The following PLEKHG6 variants were observed in gnomAD, a reference collection of about 807,000 sequenced individuals.
PLEKHG6 encodes the protein pleckstrin homology and RhoGEF domain containing G6, also known as pleckstrin homology domain-containing family G member 6.
A neutral mutation model predicts 97.5 loss-of-function variants in PLEKHG6; 91 were observed. The observed-to-expected ratio is 0.93, with a 90% confidence interval of 0.79 to 1.11. PLEKHG6 has a LOEUF of 1.11. Ranked by LOEUF, PLEKHG6 falls within the 50% of genes most tolerant of loss-of-function variation. The pLI is 0.00. For missense variants in PLEKHG6, 1,044 were observed against 1,031.0 expected, an observed-to-expected ratio of 1.01 and a Z score of -0.17; for synonymous variants, 466 against 425.5, an observed-to-expected ratio of 1.10 and a Z score of -1.17.
In PLEKHG6 at chr12:6,312,372, C is replaced by A; in HGVS notation, c.138+8C>A. 6.4e-7 allele frequency: 1 copy of A among 1,574,234 alleles called. No homozygotes were observed. The highest frequency in any genetic ancestry group is 1.4e-5 in the African/African-American group (1 of 72,002). ...CGAGGATACCCTGTGCTGGTGAGTC[C>A]AGGCTGTGCCCCAAAAGTGACCTGG... On this transcript the variant is annotated splice_region_variant and intron_variant, in intron 2 of 15. Transcript: ENST00000684764.
Position 6,315,977 on chromosome 12 carries a change from AGGGT to A in PLEKHG6, c.606+62_606+65del. 1.4e-6 allele frequency: 2 copies of A among 1,448,868 alleles called. No individual in the cohort carries two copies. Among genetic ancestry groups the A allele is most frequent in the Non-Finnish European group, 9.4e-7 (1 of 1,061,264 alleles). 89.8% of individuals were successfully genotyped at this position (1,448,868 alleles called of 1,614,324 possible). On this transcript the variant is annotated intron_variant, in intron 6 of 15. Transcript: ENST00000684764. The surrounding 1 kb of genome is among the most constrained non-coding windows in gnomAD (Gnocchi z 4.5). ...AGCCCGACCTCTGAGCCTGGGGATG[AGGGT>A]GGGCCCTCCAGCCATCCCTGTCTGA...
chr12:6,318,487 C>T lies in PLEKHG6; in HGVS notation c.1275+67C>T, dbSNP rs920596432. 37 of 1,526,252 alleles carry T rather than the reference C, an allele frequency of 2.4e-5. No individual in the cohort carries two copies. In the Admixed American group the frequency reaches 2.7e-4, roughly 11 times the overall value. 94.5% of individuals were successfully genotyped at this position (1,526,252 alleles called of 1,614,324 possible). Reference sequence around the variant, plus strand: ...GGGAGAAGGTAAGAGGCAGAAACGCCGGAAGTGGGAGAAGAGGGGTTTGGG... The same window carrying T: ...GGGAGAAGGTAAGAGGCAGAAACGCTGGAAGTGGGAGAAGAGGGGTTTGGG... On this transcript the variant is annotated intron_variant, in intron 11 of 15. Transcript: ENST00000684764.
rs1425276535 is a variant in PLEKHG6, at chr12:6,318,412, G to A, written c.1267G>A (p.Glu423Lys). ...EGPVRVKEGR[E>K]GKLDVYLFLF... ...GCCTGTGCGAGTGAAGGAGGGACGAGAAGGGAAGGTGAGGGTGCTGCGGAC... is the reference window on the plus strand; with the variant it reads ...GCCTGTGCGAGTGAAGGAGGGACGAAAAGGGAAGGTGAGGGTGCTGCGGAC... Residue 423 changes from glutamate (E) to lysine (K), a missense_variant, in exon 11 of 16, where the codon GAA becomes AAA. Coordinates refer to ENST00000684764, the MANE Select transcript of PLEKHG6 (RefSeq NM_001384598.1). The A allele has an allele frequency of 2.5e-6, 4 of 1,608,750 alleles. No homozygotes were observed. Among genetic ancestry groups the A allele is most frequent in the Non-Finnish European group, 3.4e-6 (4 of 1,177,736 alleles).
intron 2 of PLEKHG6, chr12:6,313,192 T>G (rs1390267011): frequency 1.3e-5 from 20 of 1,549,548 alleles, no homozygotes; most frequent in Admixed American, 9.8e-5. Flanking sequence ...CACATGTGAG[T>G]GCCCTCGTCC....
chr12:6,314,229 G>A (rs542084203), intron 3 of PLEKHG6, among the ~76,000 whole-genome samples: 63 of 152,282 alleles, frequency 4.1e-4, no homozygotes, highest in Non-Finnish European at 7.4e-4. Flanking sequence ...TGGGCCGGGC[G>A]TGGTGGCTCA....
intron 13 of PLEKHG6, among the ~76,000 whole-genome samples, chr12:6,320,919 G>A (rs1370405456): frequency 6.6e-6 from 1 of 152,208 alleles, no homozygotes; most frequent in African/African-American, 2.4e-5. Flanking sequence ...GTGTGAGTGC[G>A]TGGTAAGAGG....
intron 14 of PLEKHG6, 94 bp from the exon 15 acceptor site, chr12:6,327,160 G>T: frequency 2.7e-6 from 2 of 744,984 alleles, no homozygotes; most frequent in Non-Finnish European, 2.3e-6. Context: ...AAATAAGTTT[G>T]GAGGAGGGGC....
chr12:6,322,993 A>T (rs1947750593), intron 13 of PLEKHG6, among the ~76,000 whole-genome samples: 1 of 152,212 alleles, frequency 6.6e-6, no homozygotes. Context: ...CCAACTCCCC[A>T]GGATAGCCAG....
chr12:6,312,967 A>T, intron 2 of PLEKHG6: 1 of 1,429,998 alleles, frequency 7.0e-7, no homozygotes. Flanking sequence ...TCAATGCACG[A>T]TAATTTTGCC....
intron 13 of PLEKHG6, among the ~76,000 whole-genome samples, chr12:6,323,871 T>C (rs1947779735): frequency 6.6e-6 from 1 of 152,208 alleles, no homozygotes; most frequent in Non-Finnish European, 1.5e-5. Context: ...GGCCTGCTGC[T>C]GACTGGGGAA....
Position 6,317,847 on chromosome 12 carries a change from C to T in PLEKHG6, c.1018-10C>T. On this transcript the variant is annotated splice_polypyrimidine_tract_variant and intron_variant, in intron 9 of 15. Coordinates refer to ENST00000684764, the MANE Select transcript of PLEKHG6 (RefSeq NM_001384598.1). ...GCCGTCCCTCCTCCCACACCCCCAA[C>T]CCCACCTAGATTGAAGCCGTGGAGT... 4.5e-6 allele frequency: 7 copies of T among 1,550,010 alleles called. No individual in the cohort carries two copies. The highest frequency in any genetic ancestry group is 6.1e-6 in the Non-Finnish European group (7 of 1,145,560).
At chr12:6,317,156 A>T (rs1326473543) in intron 7 of PLEKHG6, 147 bp from the exon 8 acceptor site, 5 of 616,016 alleles carry the variant, frequency 8.1e-6, no homozygotes, top group Non-Finnish European at 1.4e-5. Context: ...CATTCCTGGG[A>T]GGATCCTGGG....
intron 1 of PLEKHG6, chr12:6,311,181 G>A (rs1279202553): frequency 6.6e-6 from 1 of 152,300 alleles, no homozygotes; most frequent in African/African-American, 2.4e-5. Context: ...CGCCCCTTAG[G>A]AGGCCTCTCC....
intron 2 of PLEKHG6, 21 bp from the exon 3 acceptor site, chr12:6,313,608 C>A: frequency 6.2e-7 from 1 of 1,613,402 alleles, no homozygotes; most frequent in Non-Finnish European, 8.5e-7. Context: ...ACCCCCAGAA[C>A]TTCCCCTGCT....
rs71584810 is a variant in PLEKHG6 at position 6,316,359 on chromosome 12, G to A, written c.711G>A (p.Ser237=). The A allele has an allele frequency of 5.9e-3, 9,172 of 1,567,506 alleles. 44 individuals carry two copies. Among genetic ancestry groups the A allele is most frequent in the Non-Finnish European group, 7.4e-3 (8,552 of 1,155,598 alleles). ...CCACCCTGGAGGAGACTCGGGCCTC[G>A]GGCCAGCCTCTGGACCCCATTGGTC... is the stretch of plus-strand genomic sequence containing the variant. ...LGPTLEETRA[S]GQPLDPIGLQ... Residue 237 remains serine (S), a synonymous_variant, in exon 7 of 16, where the codon TCG becomes TCA. Transcript: ENST00000684764. This position sits in a 1 kb window ranked among gnomAD's most constrained non-coding sequence, Gnocchi z 4.1.
In PLEKHG6 at chr12:6,318,637, T is replaced by C. The variant is rs555294982; in HGVS notation, c.1276-108T>C. The stretch of plus-strand genomic sequence containing the variant: ...CCTGGCCACTCCCGCATTTGGGCTC[T>C]GCGTGTGTCCCTGTGTGCCTGCGCA... On this transcript the variant is annotated intron_variant, in intron 11 of 15. Coordinates refer to ENST00000684764, the MANE Select transcript of PLEKHG6 (RefSeq NM_001384598.1). 51 of 1,318,076 alleles carry C rather than the reference T, an allele frequency of 3.9e-5. No individual in the cohort carries two copies. The East Asian group carries it at 1.2e-3, about 30-fold the overall frequency. The allele number at this position is 1,318,076 out of a possible 1,614,324, so 81.6% of individuals were successfully genotyped here. A position where few individuals can be genotyped will look rare whatever the true frequency, so the allele number is the denominator to read the frequency against.
intron 14 of PLEKHG6, 117 bp downstream of exon 14, chr12:6,326,690 G>T: frequency 1.0e-6 from 1 of 954,072 alleles, no homozygotes; most frequent in South Asian, 2.1e-5. Flanking sequence ...GAACGCAGGC[G>T]TAGGGCAGGG....
At position 6,312,179 on chromosome 12, in the gene PLEKHG6, C is replaced by G. The variant is rs765045316; in HGVS notation, c.-48C>G. The G allele has an allele frequency of 7.0e-7, 1 of 1,434,606 alleles. No individual in the cohort carries two copies. The highest frequency in any genetic ancestry group is 1.6e-5 in the South Asian group (1 of 61,520). The allele number at this position is 1,434,606 out of a possible 1,614,324, so 88.9% of individuals were successfully genotyped here. A position where few individuals can be genotyped will look rare whatever the true frequency, so the allele number is the denominator to read the frequency against. On this transcript the variant is annotated 5_prime_UTR_variant, in exon 2 of 16. Transcript: ENST00000684764. The stretch of plus-strand genomic sequence containing the variant: ...TGCAGCCCTAGGGGACCTCTTTCTC[C>G]TGGACATTGAAGATATGGCCCTTTG...
At chr12:6,312,468 C>T in intron 2 of PLEKHG6, 104 bp downstream of exon 2, 1 of 1,295,076 alleles carries the variant, frequency 7.7e-7, no homozygotes, top group Non-Finnish European at 1.1e-6. Context: ...TGAGCTATTC[C>T]TGCCCCTTAC....
Sources: allele counts gnomAD v4.1 joint callset (sites outside exome capture counted in the v4.1 genomes callset), GRCh38; gene constraint gnomAD v4.1.1; non-coding constraint Gnocchi (gnomAD v3.1); transcripts MANE v1.5; gene names NCBI Gene and HGNC (gene_info 2026-07-23, HGNC 2026-07-21).